Variants in CNTNAP2 observed in about 807,000 individuals in gnomAD.
CNTNAP2 encodes contactin associated protein 2, also known as contactin-associated protein-like 2.
Under a neutral mutation model 155.2 loss-of-function variants are expected in CNTNAP2, and 98 were observed. That is an observed-to-expected ratio of 0.63 (90% confidence interval 0.54 to 0.75). The LOEUF (loss-of-function observed/expected upper bound fraction) is 0.75. Ranked by LOEUF, CNTNAP2 falls within the 30% of genes least tolerant of loss-of-function variation. The pLI, the probability that CNTNAP2 is intolerant of heterozygous loss-of-function variation, is 0.00. For synonymous variants in CNTNAP2, 651 were observed against 631.2 expected (o/e 1.03, Z -0.47); for missense variants, 1,727 against 1,688.1 (o/e 1.02, Z -0.40).
intron 1 of CNTNAP2, among the ~76,000 whole-genome samples, chr7:146,451,881 AC>A (rs1284184075): frequency 3.4e-5 from 2 of 59,324 alleles, no homozygotes; most frequent in African/African-American, 3.6e-4. Flanking sequence ...GTATATATAC[AC>A]ATATACATAT....
chr7:147,669,638 C>T lies in CNTNAP2; in HGVS notation c.2098+30332C>T, dbSNP rs151010942. ...GTGAAACAATGACTCCAATTCACTT[C>T]CCAGCCAGCCATCCTGGAGGGGCTC... On this transcript the variant is annotated intron_variant, in intron 13 of 23. Coordinates refer to ENST00000361727, the MANE Select transcript of CNTNAP2 (RefSeq NM_014141.6). Among the ~76,000 whole-genome samples the T allele has an allele frequency of 8.7e-3, 1,327 of 152,262 alleles. 13 individuals carry two copies. The highest frequency in any genetic ancestry group is 0.011 in the Non-Finnish European group (769 of 68,026).
intron 11 of CNTNAP2, among the ~76,000 whole-genome samples, chr7:147,518,949 T>C (rs1799180466): frequency 1.1e-5 from 1 of 88,998 alleles, no homozygotes; most frequent in Non-Finnish European, 3.0e-5. Context: ...GAGAATCGCT[T>C]GAACCCGGGA....
intron 11 of CNTNAP2, 107 bp downstream of exon 11, chr7:147,486,148 T>A: frequency 1.2e-6 from 1 of 820,418 alleles, no homozygotes. Flanking sequence ...AATACATCAC[T>A]CGAATCTGAA....
At chr7:147,109,130 G>C (rs888200761) in intron 5 of CNTNAP2, among the ~76,000 whole-genome samples, 2 of 152,204 alleles carry the variant, frequency 1.3e-5, no homozygotes, top group African/African-American at 4.8e-5. Flanking sequence ...AGCGCATTGA[G>C]ACTTCTGTAA....
At chr7:147,698,447 T>C (rs1354769571) in intron 13 of CNTNAP2, among the ~76,000 whole-genome samples, 1 of 152,244 alleles carries the variant, frequency 6.6e-6, no homozygotes, top group African/African-American at 2.4e-5. Context: ...TGTTTTAAAA[T>C]AATGTCAGTT....
intron 9 of CNTNAP2, among the ~76,000 whole-genome samples, chr7:147,393,833 G>T (rs1270313072): frequency 6.6e-6 from 1 of 151,926 alleles, no homozygotes; most frequent in East Asian, 1.9e-4. Context: ...ATACAGTACT[G>T]TGTTAATAGG....
At chr7:146,584,322 A>G (rs183812007) in intron 1 of CNTNAP2, among the ~76,000 whole-genome samples, 1 of 152,164 alleles carries the variant, frequency 6.6e-6, no homozygotes, top group South Asian at 2.1e-4. Context: ...CATTGCACCG[A>G]AAGAATTCAG....
At chr7:146,310,593 T>C (rs1013468571) in intron 1 of CNTNAP2, among the ~76,000 whole-genome samples, 13 of 152,120 alleles carry the variant, frequency 8.5e-5, no homozygotes, top group Middle Eastern at 3.2e-3. Context: ...TGATGTACAG[T>C]TTAATATCTG....
chr7:146,484,924 G>A (rs1797031430), intron 1 of CNTNAP2, among the ~76,000 whole-genome samples: 1 of 152,028 alleles, frequency 6.6e-6, no homozygotes, highest in African/African-American at 2.4e-5. Context: ...GGTTCAAAAA[G>A]CATAATTTAG....
At chr7:147,118,284 A>G (rs906059173) in intron 5 of CNTNAP2, among the ~76,000 whole-genome samples, 9 of 152,170 alleles carry the variant, frequency 5.9e-5, no homozygotes, top group Non-Finnish European at 1.2e-4. Context: ...ACAATACAGT[A>G]TTTTGGTCCA....
chr7:147,978,812 G>A (rs113488538), intron 15 of CNTNAP2, among the ~76,000 whole-genome samples: 144 of 152,160 alleles, frequency 9.5e-4, no homozygotes, highest in Middle Eastern at 3.4e-3. Context: ...TAGGCATCCG[G>A]AGACCTAGAT....
intron 15 of CNTNAP2, among the ~76,000 whole-genome samples, chr7:148,057,983 A>ATTG (rs1803054231): frequency 6.9e-6 from 1 of 145,236 alleles, no homozygotes; most frequent in Non-Finnish European, 1.5e-5. Context: ...TATTATTATT[A>ATTG]TTATTGTTAT....
chr7:146,211,374 T>G (rs1417989274), intron 1 of CNTNAP2, among the ~76,000 whole-genome samples: 1 of 152,196 alleles, frequency 6.6e-6, no homozygotes, highest in Admixed American at 6.5e-5. Flanking sequence ...TATGAATTCT[T>G]AATCATTACC....
intron 13 of CNTNAP2, among the ~76,000 whole-genome samples, chr7:147,690,604 T>C (rs1796074892): frequency 6.6e-6 from 1 of 152,002 alleles, no homozygotes; most frequent in Non-Finnish European, 1.5e-5. Flanking sequence ...TAAAGGAAAA[T>C]TACACAGCAA....
intron 11 of CNTNAP2, among the ~76,000 whole-genome samples, chr7:147,515,208 A>G (rs1799097685): frequency 1.3e-5 from 2 of 152,054 alleles, no homozygotes; most frequent in African/African-American, 2.4e-5. Flanking sequence ...CATTGCCCAG[A>G]TGTCATCTTC....
At chr7:146,133,794 C>G (rs1290582765) in intron 1 of CNTNAP2, among the ~76,000 whole-genome samples, 1 of 152,226 alleles carries the variant, frequency 6.6e-6, no homozygotes, top group East Asian at 1.9e-4. Flanking sequence ...GGTACCAGTA[C>G]CATGCTGTTT....
rs919466609 is a variant in CNTNAP2 at position 147,353,006 on chromosome 7, T to C, written c.1499-42603T>C. 6.6e-5 allele frequency among the ~76,000 whole-genome samples: 10 copies of C among 151,658 alleles called. No homozygotes were observed. In the Admixed American group the frequency reaches 6.6e-4, roughly 10 times the overall value. On this transcript the variant is annotated intron_variant, in intron 9 of 23. Transcript: ENST00000361727. ...GCCCAACCTTTGGTCTTTTGAATCG[T>C]TCTCTATAGCAATTAGTCACTCATA...
intron 20 of CNTNAP2, among the ~76,000 whole-genome samples, chr7:148,260,170 G>A (rs186322407): frequency 2.6e-5 from 4 of 152,060 alleles, no homozygotes; most frequent in South Asian, 2.1e-4. Flanking sequence ...AGCTTTTCTC[G>A]CTATATCTGA....
At chr7:148,131,620 T>C (rs1804833676) in intron 16 of CNTNAP2, among the ~76,000 whole-genome samples, 1 of 152,144 alleles carries the variant, frequency 6.6e-6, no homozygotes, top group South Asian at 2.1e-4. Context: ...AATGAACACA[T>C]GGATTTATGA....
Sources: gnomAD v4.1 joint callset for allele counts (sites outside exome capture counted in the v4.1 genomes callset) on GRCh38, gnomAD v4.1.1 for gene constraint, MANE v1.5 for transcripts, NCBI Gene and HGNC (gene_info 2026-07-23, HGNC 2026-07-21) for gene names.